The following TSPAN12 variants were observed in gnomAD, a reference collection of about 807,000 sequenced individuals.
TSPAN12 encodes tetraspanin-12.
Under a neutral mutation model 39.2 loss-of-function variants are expected in TSPAN12, and 19 were observed. The ratio of observed to expected loss-of-function variants is 0.49; its 90% confidence interval spans 0.34 to 0.71. The LOEUF is 0.71. Among genes scored for constraint, TSPAN12 ranks in the 30% least tolerant of loss-of-function variants. The probability of loss-of-function intolerance (pLI) is 0.01; values close to 1 mark genes in which losing one functional copy is unlikely to be tolerated. For synonymous variants in TSPAN12, 119 were observed against 124.8 expected (o/e 0.95, Z 0.31); for missense variants, 314 against 359.9 (o/e 0.87, Z 1.03).
At chr7:120,839,812 T>G (rs181896928) in intron 3 of TSPAN12, among the ~76,000 whole-genome samples, 108 of 152,246 alleles carry the variant, frequency 7.1e-4, no homozygotes, top group Admixed American at 6.8e-3. Context: ...TACCCAGAAA[T>G]GTCTGTATAA....
intron 4 of TSPAN12, among the ~76,000 whole-genome samples, chr7:120,822,266 A>C (rs1410100488): frequency 6.6e-6 from 1 of 152,112 alleles, no homozygotes; most frequent in Non-Finnish European, 1.5e-5. Context: ...ACAAAATAGT[A>C]AAATCTCAAG....
chr7:120,810,380 T>A, intron 6 of TSPAN12, 83 bp downstream of exon 6: 1 of 898,988 alleles, frequency 1.1e-6, no homozygotes, highest in South Asian at 1.3e-5. Flanking sequence ...CAGAGGAAAT[T>A]ACCAAAGCTA....
chr7:120,808,029 T>C (rs891154561), intron 6 of TSPAN12, among the ~76,000 whole-genome samples: 3 of 152,102 alleles, frequency 2.0e-5, no homozygotes, highest in African/African-American at 7.2e-5. Context: ...ATAAAAATCA[T>C]AAACAAGGAA....
chr7:120,844,051 G>A (rs1357448690), intron 2 of TSPAN12, among the ~76,000 whole-genome samples: 1 of 152,156 alleles, frequency 6.6e-6, no homozygotes, highest in Non-Finnish European at 1.5e-5. Context: ...ATCATGGTGG[G>A]AGGGGAAGCA....
intron 4 of TSPAN12, among the ~76,000 whole-genome samples, chr7:120,829,319 C>T (rs943988568): frequency 2.6e-5 from 4 of 151,586 alleles, no homozygotes; most frequent in African/African-American, 9.7e-5. Flanking sequence ...AAAAAGCTTT[C>T]TTTAATTCAT....
In TSPAN12 at chr7:120,840,068, C is replaced by T. The variant is rs762840342; in HGVS notation, c.108G>A (p.Arg36=). Residue 36 remains arginine, a synonymous_variant, in exon 3 of 8, where the codon AGG becomes AGA. Transcript: ENST00000222747. ...ISVLAVSAWM[R]DYLNNVLTLT... Reference sequence around the variant, plus strand: ...AAGTGAGAACATTATTTAGGTAGTCCCTCATCCAAGCAGAAACTGCCAACA... The same window carrying T: ...AAGTGAGAACATTATTTAGGTAGTCTCTCATCCAAGCAGAAACTGCCAACA... 13 of 1,613,724 alleles carry T rather than the reference C, an allele frequency of 8.1e-6. No homozygotes were observed. In the South Asian group the frequency reaches 1.3e-4, roughly 16 times the overall value.
At chr7:120,841,278 T>C (rs1015937493) in intron 2 of TSPAN12, among the ~76,000 whole-genome samples, 2 of 152,176 alleles carry the variant, frequency 1.3e-5, no homozygotes, top group Admixed American at 1.3e-4. Context: ...TCAATCCTCC[T>C]GCACTATCAG....
chr7:120,789,459 A>G (rs1793477908), intron 7 of TSPAN12, among the ~76,000 whole-genome samples: 2 of 152,246 alleles, frequency 1.3e-5, no homozygotes, highest in South Asian at 2.1e-4. Flanking sequence ...CCTATTTGAT[A>G]CAAACACAAG....
At chr7:120,830,642 A>T (rs566851272) in intron 4 of TSPAN12, among the ~76,000 whole-genome samples, 1 of 152,272 alleles carries the variant, frequency 6.6e-6, no homozygotes, top group African/African-American at 2.4e-5. Flanking sequence ...GCAAAAAAAC[A>T]ACAAAAATGT....
At chr7:120,853,884 AAAAAG>A (rs1239308495) in intron 2 of TSPAN12, among the ~76,000 whole-genome samples, 2 of 147,792 alleles carry the variant, frequency 1.4e-5, no homozygotes, top group Non-Finnish European at 3.0e-5. Flanking sequence ...AAAAAAAAAA[AAAAAG>A]AAAAGAAAAG....
chr7:120,855,784 T>C (rs887158306), intron 2 of TSPAN12, among the ~76,000 whole-genome samples: 2 of 152,206 alleles, frequency 1.3e-5, no homozygotes, highest in Non-Finnish European at 2.9e-5. Context: ...AAAAAAAGGC[T>C]GGGCAATGCC....
intron 2 of TSPAN12, among the ~76,000 whole-genome samples, chr7:120,852,390 T>C (rs1794786370): frequency 6.6e-6 from 1 of 152,172 alleles, no homozygotes; most frequent in South Asian, 2.1e-4. Flanking sequence ...ATAGTCAGAA[T>C]GTAAAGTCTG....
At chr7:120,802,900 T>C (rs1234638334) in intron 7 of TSPAN12, among the ~76,000 whole-genome samples, 1 of 152,198 alleles carries the variant, frequency 6.6e-6, no homozygotes, top group Admixed American at 6.5e-5. Context: ...TAAAATATTA[T>C]TGGGTCAGGG....
At chr7:120,824,920 T>G (rs1407267644) in intron 4 of TSPAN12, among the ~76,000 whole-genome samples, 1 of 152,198 alleles carries the variant, frequency 6.6e-6, no homozygotes, top group African/African-American at 2.4e-5. Context: ...AAGAGCATGT[T>G]TAGAGAAAAT....
chr7:120,827,179 C>G (rs1794304451), intron 4 of TSPAN12, among the ~76,000 whole-genome samples: 2 of 151,612 alleles, frequency 1.3e-5, no homozygotes. Context: ...AAAAGTATCT[C>G]CTTCTAAATC....
chr7:120,788,715 A>C lies in TSPAN12; in HGVS notation c.795T>G (p.Asn265Lys). The C allele has an allele frequency of 6.2e-7, 1 of 1,614,146 alleles. No homozygotes were observed. Among genetic ancestry groups the C allele is most frequent in the Non-Finnish European group, 8.5e-7 (1 of 1,180,012 alleles). ...GACATGACAGGTGCTGAGAGTTGTC[A>C]TTCTTCAAGGACATCATTTGGTCTG... Reference protein sequence around the residue: ...PGTDQMMSLKNDNSQHLSCPS... With the variant: ...PGTDQMMSLKKDNSQHLSCPS... The change falls in exon 8 of 8, where the codon AAT (asparagine) becomes AAG (lysine). Residue 265 changes from asparagine to lysine, a missense_variant. Coordinates refer to ENST00000222747, the MANE Select transcript of TSPAN12 (RefSeq NM_012338.4).
At chr7:120,840,532 T>TA (rs1469484777) in intron 2 of TSPAN12, among the ~76,000 whole-genome samples, 3 of 152,242 alleles carry the variant, frequency 2.0e-5, no homozygotes, top group Non-Finnish European at 4.4e-5. Flanking sequence ...TTCTATTGGC[T>TA]AAAATTCAAA....
chr7:120,795,135 A>G (rs751210413), intron 7 of TSPAN12, among the ~76,000 whole-genome samples: 4 of 152,234 alleles, frequency 2.6e-5, no homozygotes, highest in Non-Finnish European at 2.9e-5. Flanking sequence ...TTTCATAAAG[A>G]GTATTTTATT....
intron 5 of TSPAN12, among the ~76,000 whole-genome samples, chr7:120,814,476 T>C (rs2116383879): frequency 6.6e-6 from 1 of 152,266 alleles, no homozygotes; most frequent in Non-Finnish European, 1.5e-5. Flanking sequence ...GAACTACATA[T>C]GGAAAATCAC....
Sources: allele counts gnomAD v4.1 joint callset (sites outside exome capture counted in the v4.1 genomes callset), GRCh38; gene constraint gnomAD v4.1.1; transcripts MANE v1.5; gene names NCBI Gene and HGNC (gene_info 2026-07-23, HGNC 2026-07-21).